FOXN3: variants seen among roughly 807,000 people sequenced by gnomAD.
The protein encoded by FOXN3 is forkhead box protein N3.
A neutral mutation model predicts 38.4 loss-of-function variants in FOXN3; 7 were observed. The observed-to-expected ratio is 0.18, with a 90% CI of 0.10 to 0.34. The LOEUF (loss-of-function observed/expected upper bound fraction) is 0.34. FOXN3 is among the 10% of genes least tolerant of loss of function. The pLI is 1.00. For missense variants in FOXN3, 456 were observed against 613.4 expected (o/e 0.74, Z 2.71); for synonymous variants, 230 against 242.2 (o/e 0.95, Z 0.47).
chr14:89,294,439 G>C (rs1306165363), intron 3 of FOXN3, among the ~76,000 whole-genome samples: 1 of 152,182 alleles, frequency 6.6e-6, no homozygotes, highest in East Asian at 1.9e-4. Context: ...CTACAGAAGT[G>C]TGAATGTGCC....
intron 2 of FOXN3, among the ~76,000 whole-genome samples, chr14:89,370,152 G>A (rs573089565): frequency 1.3e-5 from 2 of 152,282 alleles, no homozygotes; most frequent in South Asian, 4.1e-4. Context: ...TTACAACTTT[G>A]TATTTGTGCT....
intron 1 of FOXN3, among the ~76,000 whole-genome samples, chr14:89,530,958 A>C (rs897058063): frequency 1.4e-5 from 2 of 147,614 alleles, no homozygotes; most frequent in Admixed American, 6.8e-5. Context: ...ATATACATAT[A>C]TACACATATA....
chr14:89,299,188 A>G (rs1887142790), intron 3 of FOXN3, among the ~76,000 whole-genome samples: 1 of 152,226 alleles, frequency 6.6e-6, no homozygotes, highest in South Asian at 2.1e-4. Flanking sequence ...TTGAACTGTA[A>G]TAATCCCCAA....
At chr14:89,553,221 A>T (rs1044094467) in intron 1 of FOXN3, among the ~76,000 whole-genome samples, 2 of 146,228 alleles carry the variant, frequency 1.4e-5, no homozygotes, top group Non-Finnish European at 3.0e-5. Flanking sequence ...GCTGGGCAAC[A>T]GAACGAGACC....
At chr14:89,296,828 G>A (rs994040183) in intron 3 of FOXN3, among the ~76,000 whole-genome samples, 1 of 152,104 alleles carries the variant, frequency 6.6e-6, no homozygotes, top group African/African-American at 2.4e-5. Flanking sequence ...GTAGAGGCGG[G>A]GTTTTGCCAT....
At chr14:89,596,957 C>A (rs1297140783) in intron 1 of FOXN3, among the ~76,000 whole-genome samples, 5 of 152,068 alleles carry the variant, frequency 3.3e-5, no homozygotes, top group Non-Finnish European at 7.4e-5. Flanking sequence ...ATTCTCCCCC[C>A]ATTTCATTAC....
At chr14:89,421,423 C>T (rs1271713528), upstream of FOXN3, among the ~76,000 whole-genome samples, 1 of 151,956 alleles carries the variant, frequency 6.6e-6, no homozygotes, top group South Asian at 2.1e-4. Context: ...GCTGGGACTA[C>T]AGGCATGAGC....
intron 3 of FOXN3, among the ~76,000 whole-genome samples, chr14:89,324,195 G>A (rs1245542598): frequency 2.0e-5 from 3 of 152,188 alleles, no homozygotes; most frequent in Admixed American, 6.5e-5. Context: ...ATTAGCTAAA[G>A]TGATTTCTCC....
intron 4 of FOXN3, among the ~76,000 whole-genome samples, chr14:89,267,297 G>A (rs1163927837): frequency 6.6e-6 from 1 of 152,176 alleles, no homozygotes; most frequent in Non-Finnish European, 1.5e-5. Context: ...GCAGGATGGT[G>A]AGCACTGCAT....
intron 4 of FOXN3, among the ~76,000 whole-genome samples, chr14:89,191,394 G>A (rs1029622478): frequency 1.3e-5 from 2 of 152,158 alleles, no homozygotes; most frequent in African/African-American, 2.4e-5. Flanking sequence ...AGAAGCTGCC[G>A]CCTGTGCCCT....
At chr14:89,227,937 T>C (rs1354161562) in intron 4 of FOXN3, among the ~76,000 whole-genome samples, 1 of 152,118 alleles carries the variant, frequency 6.6e-6, no homozygotes, top group Non-Finnish European at 1.5e-5. Context: ...TTTGTAGAGA[T>C]GGGGTCTCCC....
At chr14:89,491,043 C>T (rs139506178) in intron 1 of FOXN3, among the ~76,000 whole-genome samples, 10,881 of 152,186 alleles carry the variant, frequency 0.071, 1,179 homozygotes, top group African/African-American at 0.24. Context: ...GGCACGATCT[C>T]GGCTCACCAC....
chr14:89,578,576 T>C (rs544307642), intron 1 of FOXN3, among the ~76,000 whole-genome samples: 1 of 152,290 alleles, frequency 6.6e-6, no homozygotes, highest in South Asian at 2.1e-4. Context: ...CCACCCCAAA[T>C]GTGTTCACTC....
At chr14:89,232,000 C>T (rs1884826171) in intron 4 of FOXN3, among the ~76,000 whole-genome samples, 2 of 152,152 alleles carry the variant, frequency 1.3e-5, no homozygotes, top group Admixed American at 1.3e-4. Flanking sequence ...CTCAGTGTTG[C>T]GGGAAGGCGT....
chr14:89,320,750 G>A (rs1175071984), intron 3 of FOXN3, among the ~76,000 whole-genome samples: 4 of 152,198 alleles, frequency 2.6e-5, no homozygotes. Flanking sequence ...AGCTAACTGA[G>A]ATTTAGGGTT....
At chr14:89,534,046 G>A (rs377593411) in intron 1 of FOXN3, among the ~76,000 whole-genome samples, 54 of 149,830 alleles carry the variant, frequency 3.6e-4, no homozygotes, top group African/African-American at 1.3e-3. Context: ...GACTAGAGAT[G>A]TGCTTCCCCC....
chr14:89,471,639 T>G (rs1893097508), intron 1 of FOXN3, among the ~76,000 whole-genome samples: 1 of 151,686 alleles, frequency 6.6e-6, no homozygotes, highest in Admixed American at 6.6e-5. Flanking sequence ...GTCTCTGGAG[T>G]TCTATCTACA....
chr14:89,508,932 T>C (rs1894002082), intron 1 of FOXN3, among the ~76,000 whole-genome samples: 1 of 152,172 alleles, frequency 6.6e-6, no homozygotes, highest in Non-Finnish European at 1.5e-5. Flanking sequence ...TGGCAAAGAA[T>C]AAAACAATCG....
chr14:89,467,926 A>G (rs968236069), intron 1 of FOXN3, among the ~76,000 whole-genome samples: 1 of 147,014 alleles, frequency 6.8e-6, no homozygotes, highest in African/African-American at 2.5e-5. Flanking sequence ...CTGAGATTAC[A>G]GGCATGAGCT....
Sources: allele counts gnomAD v4.1 joint callset (sites outside exome capture counted in the v4.1 genomes callset), GRCh38; gene constraint gnomAD v4.1.1; transcripts MANE v1.5; gene names NCBI Gene and HGNC (gene_info 2026-07-23, HGNC 2026-07-21).